The following KATNAL2 variants were observed in gnomAD, a reference collection of about 807,000 sequenced individuals.
KATNAL2 encodes the protein katanin p60 ATPase-containing subunit A-like 2.
Under a neutral mutation model 76.3 loss-of-function variants are expected in KATNAL2, and 52 were observed. That is an observed-to-expected ratio of 0.68 (90% CI 0.55 to 0.86). KATNAL2 has a LOEUF of 0.86. Ranked by LOEUF, KATNAL2 falls within the 40% of genes least tolerant of loss-of-function variation. KATNAL2 has a pLI of 0.00. For synonymous variants in KATNAL2, 243 were observed against 244.2 expected, an observed-to-expected ratio of 1.00 and a Z score of 0.05; for missense variants, 660 against 668.9, an observed-to-expected ratio of 0.99 and a Z score of 0.15.
chr18:46,950,204 G>C (rs2059508146), intron 3 of KATNAL2, among the ~76,000 whole-genome samples: 1 of 152,178 alleles, frequency 6.6e-6, no homozygotes, highest in Admixed American at 6.5e-5. Context: ...CTTGGAACTT[G>C]AAAGCAAGGC....
At chr18:47,035,310 T>G in intron 3 of KATNAL2, 1 of 1,610,704 alleles carries the variant, frequency 6.2e-7, no homozygotes, top group Non-Finnish European at 8.5e-7. Flanking sequence ...GTCGCAGCTC[T>G]GTCTTTGGGG....
intron 3 of KATNAL2, chr18:47,033,598 T>G (rs762891475): frequency 3.7e-6 from 6 of 1,614,140 alleles, no homozygotes; most frequent in Non-Finnish European, 5.1e-6. Context: ...CAGAACAGGT[T>G]CAAGAACCCA....
intron 15 of KATNAL2, among the ~76,000 whole-genome samples, chr18:47,089,495 C>A (rs1044881101): frequency 6.6e-6 from 1 of 152,134 alleles, no homozygotes; most frequent in Admixed American, 6.5e-5. Context: ...TCAACCCAAA[C>A]ATCAGTAGGA....
At chr18:46,937,046 A>C (rs2059114577) in intron 1 of KATNAL2, among the ~76,000 whole-genome samples, 1 of 152,126 alleles carries the variant, frequency 6.6e-6, no homozygotes, top group African/African-American at 2.4e-5. Flanking sequence ...AACTGCTAAA[A>C]ATCTGTTTTT....
chr18:47,093,434 G>C (rs1357463784), intron 15 of KATNAL2, among the ~76,000 whole-genome samples: 1 of 117,336 alleles, frequency 8.5e-6, no homozygotes, highest in Non-Finnish European at 1.7e-5. Flanking sequence ...CCTATTGTCT[G>C]TTGGCTCTCC....
intron 3 of KATNAL2, among the ~76,000 whole-genome samples, chr18:46,956,238 G>C (rs541501156): frequency 4.9e-4 from 74 of 152,274 alleles, no homozygotes; most frequent in African/African-American, 1.5e-3. Context: ...AGGCAAATAT[G>C]CATTTATTCA....
At chr18:47,048,783 T>C (rs569809092) in intron 4 of KATNAL2, among the ~76,000 whole-genome samples, 2 of 150,680 alleles carry the variant, frequency 1.3e-5, no homozygotes, top group Non-Finnish European at 2.9e-5. Context: ...CTTGTTGTCA[T>C]AGGGACGGCT....
chr18:46,937,928 A>T (rs1009135593), intron 1 of KATNAL2, among the ~76,000 whole-genome samples: 5 of 151,898 alleles, frequency 3.3e-5, no homozygotes, highest in Non-Finnish European at 7.4e-5. Flanking sequence ...ACATAGGGAG[A>T]TCTCCCTTCA....
chr18:47,052,883 T>G lies in KATNAL2; in HGVS notation c.126T>G (p.Tyr42Ter). ...TTTTATTCTGTGAAACTGCCAGGTATATCGATACAGCAAATGCTTTGGAGC... is the reference window on the plus strand; with the variant it reads ...TTTTATTCTGTGAAACTGCCAGGTAGATCGATACAGCAAATGCTTTGGAGC... ...LISHYLTQEG[Y>*]IDTANALEQE... Residue 42 changes from tyrosine (Y) to a stop codon, truncating the protein, a stop_gained, in exon 5 of 18, where the codon TAT becomes TAG. Coordinates refer to ENST00000683218, the MANE Select transcript of KATNAL2 (RefSeq NM_001387690.1). LOFTEE classifies it high-confidence loss of function. The G allele has an allele frequency of 6.2e-7, 1 of 1,600,302 alleles. No individual in the cohort carries two copies. Among genetic ancestry groups the G allele is most frequent in the Non-Finnish European group, 8.5e-7 (1 of 1,175,678 alleles).
At chr18:46,944,101 T>C (rs2059319869) in intron 1 of KATNAL2, among the ~76,000 whole-genome samples, 1 of 152,240 alleles carries the variant, frequency 6.6e-6, no homozygotes, top group African/African-American at 2.4e-5. Flanking sequence ...TACTAGTTAC[T>C]TGATATGGCC....
chr18:47,074,652 A>G (rs1326638496), intron 13 of KATNAL2, among the ~76,000 whole-genome samples: 2 of 151,988 alleles, frequency 1.3e-5, no homozygotes, highest in African/African-American at 4.8e-5. Flanking sequence ...GTTCTTGTTC[A>G]GTCTATAATA....
At chr18:47,069,350 G>A in intron 12 of KATNAL2, 67 bp downstream of exon 12, 1 of 1,433,230 alleles carries the variant, frequency 7.0e-7, no homozygotes, top group South Asian at 1.2e-5. Context: ...TGCCCCTTCT[G>A]TCCTCACTTC....
chr18:47,083,335 TC>T (rs2062618559), intron 15 of KATNAL2, among the ~76,000 whole-genome samples: 2 of 152,238 alleles, frequency 1.3e-5, no homozygotes, highest in African/African-American at 4.8e-5. Flanking sequence ...AGTCTGTCCT[TC>T]TAGGGGAAAT....
At chr18:47,034,000 T>G (rs1227887952) in intron 3 of KATNAL2, 1 of 1,613,846 alleles carries the variant, frequency 6.2e-7, no homozygotes, top group African/African-American at 1.3e-5. Flanking sequence ...ATCCCAGGAC[T>G]CACGAGTGCC....
chr18:47,046,565 C>T (rs1434655246), intron 4 of KATNAL2, 38 bp downstream of exon 4: 2 of 1,319,574 alleles, frequency 1.5e-6, no homozygotes, highest in African/African-American at 1.4e-5. Context: ...GATGATTCCT[C>T]TTTCTCTGCT....
In KATNAL2 at chr18:47,041,514, T is replaced by C. The variant is rs112164823; in HGVS notation, c.52-4943T>C. On this transcript the variant is annotated intron_variant, in intron 3 of 17. Transcript: ENST00000683218. ...GATATGCATCTAAATTTCCTTCATGTTCTTTCATGGCTTGATAGCTCATTT... is the reference window on the plus strand; with the variant it reads ...GATATGCATCTAAATTTCCTTCATGCTCTTTCATGGCTTGATAGCTCATTT... Among the ~76,000 whole-genome samples the C allele has an allele frequency of 5.2e-3, 797 of 152,354 alleles. 8 individuals carry two copies. Among genetic ancestry groups the C allele is most frequent in the African/African-American group, 0.018 (766 of 41,572 alleles).
chr18:47,084,325 T>C (rs1220344527), intron 15 of KATNAL2: 4 of 702,904 alleles, frequency 5.7e-6, no homozygotes, highest in South Asian at 3.0e-5. Flanking sequence ...CCTTGTTCTT[T>C]CCATAGTAAC....
At chr18:47,057,093 G>A (rs372765910) in intron 6 of KATNAL2, among the ~76,000 whole-genome samples, 10 of 152,144 alleles carry the variant, frequency 6.6e-5, no homozygotes, top group African/African-American at 2.4e-4. Context: ...CATTGGTGGT[G>A]TTATCGACAT....
intron 1 of KATNAL2, among the ~76,000 whole-genome samples, chr18:46,920,997 T>G (rs2058506376): frequency 6.6e-6 from 1 of 152,244 alleles, no homozygotes; most frequent in Admixed American, 6.5e-5. Flanking sequence ...AATGTTTTAG[T>G]GCTCTTTATG....
Sources: allele counts gnomAD v4.1 joint callset (sites outside exome capture counted in the v4.1 genomes callset), GRCh38; gene constraint gnomAD v4.1.1; transcripts MANE v1.5; gene names NCBI Gene and HGNC (gene_info 2026-07-23, HGNC 2026-07-21).